Variants in COP1 observed in about 807,000 individuals in gnomAD.
The protein encoded by COP1 is E3 ubiquitin-protein ligase COP1.
Under a neutral mutation model 101.3 loss-of-function variants are expected in COP1, and 24 were observed. The ratio of observed to expected loss-of-function variants is 0.24; its 90% CI spans 0.17 to 0.33. COP1 has a LOEUF of 0.33. Ranked by LOEUF, COP1 falls within the 10% of genes least tolerant of loss-of-function variation. The pLI, the probability that COP1 is intolerant of heterozygous loss-of-function variation, is 1.00. For missense variants in COP1, 663 were observed against 906.2 expected (o/e 0.73, Z 3.45); for synonymous variants, 347 against 341.9 (o/e 1.01, Z -0.17).
At chr1:176,182,054 T>C (rs1416814162) in intron 2 of COP1, among the ~76,000 whole-genome samples, 1 of 152,172 alleles carries the variant, frequency 6.6e-6, no homozygotes, top group African/African-American at 2.4e-5. Context: ...TGTCCATTTA[T>C]AAGTTCAATC....
chr1:175,954,460 T>C (rs1650362432), intron 18 of COP1, among the ~76,000 whole-genome samples: 1 of 151,964 alleles, frequency 6.6e-6, no homozygotes, highest in Non-Finnish European at 1.5e-5. Flanking sequence ...AAAAAAGTAT[T>C]GAAATGAAAA....
intron 11 of COP1, among the ~76,000 whole-genome samples, chr1:176,050,821 T>A (rs1288456709): frequency 2.0e-5 from 3 of 152,322 alleles, no homozygotes; most frequent in East Asian, 3.9e-4. Context: ...TATACTAATG[T>A]TAAGTAATTT....
At chr1:176,077,046 T>C (rs1035919120) in intron 11 of COP1, among the ~76,000 whole-genome samples, 12 of 152,106 alleles carry the variant, frequency 7.9e-5, no homozygotes, top group Non-Finnish European at 1.0e-4. Flanking sequence ...CAAGTTCTAA[T>C]AGAGGTACAA....
chr1:176,139,709 A>C (rs1690373142), intron 6 of COP1, among the ~76,000 whole-genome samples: 2 of 152,184 alleles, frequency 1.3e-5, no homozygotes, highest in Non-Finnish European at 2.9e-5. Flanking sequence ...TAATGAAGTA[A>C]GAGAAAACCA....
At chr1:176,095,942 G>A (rs1322522082) in intron 9 of COP1, among the ~76,000 whole-genome samples, 1 of 152,132 alleles carries the variant, frequency 6.6e-6, no homozygotes, top group Non-Finnish European at 1.5e-5. Context: ...ATTAAATCCA[G>A]GCCTTTGCAT....
chr1:175,956,885 C>G (rs1344378989), intron 18 of COP1, among the ~76,000 whole-genome samples: 1 of 152,070 alleles, frequency 6.6e-6, no homozygotes, highest in Non-Finnish European at 1.5e-5. Flanking sequence ...GTTATTGTCC[C>G]TGAAGACATT....
intron 5 of COP1, among the ~76,000 whole-genome samples, chr1:176,161,275 G>C (rs189364259): frequency 6.6e-6 from 1 of 152,000 alleles, no homozygotes; most frequent in East Asian, 1.9e-4. Context: ...AGGTAACTGC[G>C]TATGTTCAAT....
At chr1:175,978,830 C>T (rs61820935) in intron 18 of COP1, among the ~76,000 whole-genome samples, 10,020 of 152,148 alleles carry the variant, frequency 0.066, 409 homozygotes, top group Middle Eastern at 0.12. Flanking sequence ...GTTGTCTTCT[C>T]CGCACTCATT....
At chr1:176,085,581 A>C (rs1679985745) in intron 10 of COP1, among the ~76,000 whole-genome samples, 195 bp downstream of exon 10, 1 of 152,204 alleles carries the variant, frequency 6.6e-6, no homozygotes, top group African/African-American at 2.4e-5. Context: ...GAATTCACAA[A>C]TATAGAACAA....
chr1:175,952,991 GTTT>G (rs749355550), intron 18 of COP1, among the ~76,000 whole-genome samples: 39 of 152,136 alleles, frequency 2.6e-4, no homozygotes, highest in Admixed American at 5.2e-4. Context: ...TTGATTTCTT[GTTT>G]TTAAGTTTTT....
At chr1:176,007,468 T>C (rs1571620669) in intron 15 of COP1, among the ~76,000 whole-genome samples, 1 of 151,450 alleles carries the variant, frequency 6.6e-6, no homozygotes, top group African/African-American at 2.4e-5. Flanking sequence ...TTCCCATCTT[T>C]GTGGTTTTAT....
intron 5 of COP1, among the ~76,000 whole-genome samples, chr1:176,156,653 G>A (rs1031027904): frequency 2.0e-5 from 3 of 152,090 alleles, no homozygotes; most frequent in Admixed American, 6.6e-5. Context: ...GGCTCTATCA[G>A]TATCAGACAA....
At chr1:176,099,253 T>C (rs1424868378) in intron 9 of COP1, among the ~76,000 whole-genome samples, 1 of 152,220 alleles carries the variant, frequency 6.6e-6, no homozygotes, top group Non-Finnish European at 1.5e-5. Context: ...CTTTGGAGAT[T>C]GTAACATTAC....
At chr1:176,048,438 GATTT>G in intron 11 of COP1, among the ~76,000 whole-genome samples, 1 of 152,162 alleles carries the variant, frequency 6.6e-6, no homozygotes, top group East Asian at 1.9e-4. Context: ...CAATGCAGTA[GATTT>G]ATTTGTACAA....
chr1:176,179,372 A>G lies in COP1; in HGVS notation c.468-3365T>C, dbSNP rs534755217. 7.5e-4 allele frequency among the ~76,000 whole-genome samples: 114 copies of G among 152,330 alleles called. 2 individuals carry two copies. Among genetic ancestry groups the G allele is most frequent in the Admixed American group, 4.0e-3 (61 of 15,296 alleles). The stretch of plus-strand genomic sequence containing the variant: ...GAGAACATTATGGGTTTTAGCAAAT[A>G]ACTTTTCTTTAAAATAAATGATAGA... On this transcript the variant is annotated intron_variant, in intron 2 of 19. Transcript: ENST00000367669.
At chr1:175,982,444 A>T (rs1656102423) in intron 18 of COP1, 1 of 455,448 alleles carries the variant, frequency 2.2e-6, no homozygotes, top group African/African-American at 2.0e-5. Flanking sequence ...TTCTCAGCCT[A>T]CTCCATGTGA....
chr1:176,038,463 G>A (rs1339588385), intron 14 of COP1, among the ~76,000 whole-genome samples: 1 of 152,146 alleles, frequency 6.6e-6, no homozygotes, highest in Non-Finnish European at 1.5e-5. Flanking sequence ...CAAGGATGAA[G>A]GACTTACTAC....
intron 3 of COP1, among the ~76,000 whole-genome samples, chr1:176,171,458 C>T (rs901656275): frequency 2.0e-5 from 3 of 152,188 alleles, no homozygotes; most frequent in Admixed American, 2.0e-4. Context: ...ATCCAGACTA[C>T]TAAACTTTCT....
At position 176,023,979 on chromosome 1, in the gene COP1, C is replaced by G. The variant is rs559667440; in HGVS notation, c.1729+3593G>C. 2.5e-3 allele frequency among the ~76,000 whole-genome samples: 381 copies of G among 152,102 alleles called. 2 individuals are homozygous for G. The highest frequency in any genetic ancestry group is 9.0e-3 in the African/African-American group (372 of 41,482). The stretch of plus-strand genomic sequence containing the variant: ...ATATCATCATAAGAAAACTACAGGC[C>G]GGGCATGGTAGCTCATGCCTGTAAT... On this transcript the variant is annotated intron_variant, in intron 15 of 19. Coordinates refer to ENST00000367669, the MANE Select transcript of COP1 (RefSeq NM_022457.7).
Sources: gnomAD v4.1 joint callset for allele counts (sites outside exome capture counted in the v4.1 genomes callset) on GRCh38, gnomAD v4.1.1 for gene constraint, MANE v1.5 for transcripts, NCBI Gene and HGNC (gene_info 2026-07-23, HGNC 2026-07-21) for gene names.